Variants in USP35 observed in about 807,000 individuals in gnomAD.
The protein encoded by USP35 is ubiquitin carboxyl-terminal hydrolase 35.
A neutral mutation model predicts 83.8 loss-of-function variants in USP35; 69 were observed. That is an observed-to-expected ratio of 0.82 (90% CI 0.68 to 1.01). USP35 has a LOEUF of 1.01. Among genes scored for constraint, USP35 ranks in the 50% least tolerant of loss-of-function variants. USP35 has a pLI of 0.00. For synonymous variants in USP35, 714 were observed against 589.5 expected (o/e 1.21, Z -3.06); for missense variants, 1,503 against 1,362.5 (o/e 1.10, Z -1.62).
chr11:78,193,779 C>T (rs1295993141), intron 1 of USP35, among the ~76,000 whole-genome samples: 1 of 152,202 alleles, frequency 6.6e-6, no homozygotes, highest in Non-Finnish European at 1.5e-5. Flanking sequence ...CAGAATCGAA[C>T]ACATCATTTC....
chr11:78,196,831 A>C lies in USP35; in HGVS notation c.586A>C (p.Ser196Arg). The change falls in exon 2 of 11, where the codon AGC becomes CGC. Residue 196 changes from serine to arginine, a missense_variant. Transcript: ENST00000529308. This position sits in a 1 kb window ranked among gnomAD's most constrained non-coding sequence, Gnocchi z 4.8. ...GTTCCTAGAGCAGGCCCAGCAGGTG[A>C]GCGGGCTCCTGGCGCAGCTGTGGCG... ...VEFLEQAQQV[S>R]GLLAQLWRAQ... The C allele has an allele frequency of 6.5e-7, 1 of 1,530,830 alleles. No homozygotes were observed. The highest frequency in any genetic ancestry group is 8.7e-7 in the Non-Finnish European group (1 of 1,143,626). The allele number at this position is 1,530,830 out of a possible 1,614,324, so 94.8% of individuals were successfully genotyped here.
At chr11:78,197,905 C>T (rs746593548) in intron 2 of USP35, 31 bp from the exon 3 acceptor site, 10 of 1,609,154 alleles carry the variant, frequency 6.2e-6, no homozygotes, top group Non-Finnish European at 8.5e-6. Context: ...GCCTGCCTCC[C>T]TGCTAAGCTC....
chr11:78,220,291 A>AC, the USP35 span: 10 of 1,610,874 alleles, frequency 6.2e-6, no homozygotes, highest in Admixed American at 1.7e-5. Flanking sequence ...GAGAGCTCTT[A>AC]CTGCCCCCCC....
intron 2 of USP35, among the ~76,000 whole-genome samples, chr11:78,197,198 C>G (rs374958727): frequency 2.9e-5 from 3 of 104,042 alleles, no homozygotes; most frequent in African/African-American, 1.2e-4. Flanking sequence ...GAGGGAGGAA[C>G]GGGAAGTTGA....
rs554201657 is a variant in USP35, at chr11:78,199,794, C to G, written c.936+70C>G. On this transcript the variant is annotated intron_variant, in intron 4 of 10. Transcript: ENST00000529308. ...GGCTCTTGCCAGGGGCGGTGCAGGT[C>G]TGGGAGGTCAGAGCATTGGGCCTAC... 7.4e-5 allele frequency: 119 copies of G among 1,607,958 alleles called. No homozygotes were observed. In the South Asian group the frequency reaches 1.3e-3, roughly 18 times the overall value.
rs1378590089 is a variant in USP35 at position 78,214,220 on chromosome 11, C to CAAGCCTTGCACAAAG, written c.*408_*422dup. ...GTACGGTATAAAGCACAGCAGGATC[C>CAAGCCTTGCACAAAG]AAGCCTTGCACAAAGGGGTGGGGGG... On this transcript the variant is annotated 3_prime_UTR_variant, in exon 11 of 11. Coordinates refer to ENST00000529308, the MANE Select transcript of USP35 (RefSeq NM_020798.4). 1 of 142,314 alleles carries CAAGCCTTGCACAAAG rather than the reference C, an allele frequency of 7.0e-6. No individual in the cohort carries two copies. Among genetic ancestry groups the CAAGCCTTGCACAAAG allele is most frequent in the Non-Finnish European group, 1.5e-5 (1 of 68,674 alleles). The allele number at this position is 142,314 out of a possible 1,614,324, so 8.8% of individuals were successfully genotyped here. A position where few individuals can be genotyped will look rare whatever the true frequency, so the allele number is the denominator to read the frequency against.
rs1864012305 is a variant in USP35 at position 78,214,585 on chromosome 11, C to CTGCAACAGCAGCCACCTGCAGGTTGG, written c.*773_*798dup. On this transcript the variant is annotated 3_prime_UTR_variant, in exon 11 of 11. Coordinates refer to ENST00000529308, the MANE Select transcript of USP35 (RefSeq NM_020798.4). ...TCCTCTGAGCAGTTGGCCTTTGTAGCTGCAACAGCAGCCACCTGCAGGTTG... is the reference window on the plus strand; with the variant it reads ...TCCTCTGAGCAGTTGGCCTTTGTAGCTGCAACAGCAGCCACCTGCAGGTTGGTGCAACAGCAGCCACCTGCAGGTTG... 1 of 152,300 alleles carries CTGCAACAGCAGCCACCTGCAGGTTGG rather than the reference C, an allele frequency of 6.6e-6. No homozygotes were observed. The highest frequency in any genetic ancestry group is 2.1e-4 in the South Asian group (1 of 4,838). The allele number at this position is 152,300 out of a possible 1,614,324, so 9.4% of individuals were successfully genotyped here. A position where few individuals can be genotyped will look rare whatever the true frequency, so the allele number is the denominator to read the frequency against.
rs752940646 is a variant in USP35 at position 78,213,809 on chromosome 11, T to A, written c.3053T>A (p.Phe1018Tyr). The A allele has an allele frequency of 6.4e-7, 1 of 1,554,436 alleles. No individual in the cohort carries two copies. Among genetic ancestry groups the A allele is most frequent in the Non-Finnish European group, 8.6e-7 (1 of 1,158,214 alleles). ...GGTGGTGACTTCCACAGACTGGTCT[T>A]CTAATGTGAACCTGCTGCCAACCTG... ...GNGGDFHRLV[F>Y] Residue 1018 changes from phenylalanine (F) to tyrosine (Y), a missense_variant, in exon 11 of 11, where the codon TTC (phenylalanine) becomes TAC (tyrosine). By Grantham distance (22) the Phe-to-Tyr change is conservative (BLOSUM62 3). Transcript: ENST00000529308.
chr11:78,206,176 TG>T lies in USP35; in HGVS notation c.1391+145del, dbSNP rs1863525645. ...TGCCAGCATGATTCCCTGAGGTCTG[TG>T]GGGACAGAGAGCCTCAGGCCATTGC... On this transcript the variant is annotated intron_variant, in intron 7 of 10. Transcript: ENST00000529308. 2.6e-5 allele frequency: 30 copies of T among 1,156,208 alleles called. 2 individuals are homozygous for T. The South Asian group carries it at 4.5e-4, about 17-fold the overall frequency. 71.6% of individuals were successfully genotyped at this position (1,156,208 alleles called of 1,614,324 possible). A position where few individuals can be genotyped will look rare whatever the true frequency, so the allele number is the denominator to read the frequency against.
At position 78,209,663 on chromosome 11, in the gene USP35, C is replaced by A; in HGVS notation, c.1808C>A (p.Pro603His). Residue 603 changes from proline (P) to histidine (H), a missense_variant, in exon 10 of 11, where the codon CCT becomes CAT. Pro to His is a moderately conservative substitution (Grantham distance 77). Coordinates refer to ENST00000529308, the MANE Select transcript of USP35 (RefSeq NM_020798.4). ...FTDLSLAFPP[P>H]ERCRRRRLGS... ...GACCTCTCTCTCGCCTTCCCTCCTC[C>A]TGAGCGCTGTCGCCGCCGCCGCCTG... 6.2e-7 allele frequency: 1 copy of A among 1,614,102 alleles called. No individual in the cohort carries two copies.
At chr11:78,237,029 T>A in the USP35 span, among the ~76,000 whole-genome samples, 3 of 152,206 alleles carry the variant, frequency 2.0e-5, no homozygotes, top group African/African-American at 4.8e-5. Context: ...CTTTGCCAGA[T>A]TTTGATAGTA....
the USP35 span, among the ~76,000 whole-genome samples, chr11:78,226,142 A>G: frequency 6.6e-6 from 1 of 152,264 alleles, no homozygotes; most frequent in African/African-American, 2.4e-5. Flanking sequence ...GATTTGATTT[A>G]CAAATGAATA....
chr11:78,192,487 T>C (rs1334126082), intron 1 of USP35, among the ~76,000 whole-genome samples: 1 of 152,236 alleles, frequency 6.6e-6, no homozygotes, highest in Non-Finnish European at 1.5e-5. Flanking sequence ...GGTGCAAGCC[T>C]CTAAAACCCT....
At chr11:78,215,515 A>AAATT (rs1178677573), downstream of USP35, 7 of 152,666 alleles carry the variant, frequency 4.6e-5, no homozygotes, top group Non-Finnish European at 8.8e-5. Context: ...AGTGATTTGA[A>AAATT]AATTAAATGT....
chr11:78,231,569 C>T, the USP35 span, among the ~76,000 whole-genome samples: 3 of 152,130 alleles, frequency 2.0e-5, no homozygotes, highest in African/African-American at 7.2e-5. Flanking sequence ...ATGCTGGTCT[C>T]GAACTCCTGA....
At chr11:78,219,214 A>T (rs2134448413), downstream of USP35, 1 of 1,522,240 alleles carries the variant, frequency 6.6e-7, no homozygotes, top group Non-Finnish European at 9.0e-7. Context: ...GGGAGAGGGG[A>T]GATGGGAAGG....
chr11:78,214,890 TTACC>T lies in USP35; in HGVS notation c.*1079_*1082del, dbSNP rs553197135. Among the ~76,000 whole-genome samples, 201 of 146,992 alleles carry T rather than the reference TTACC, an allele frequency of 1.4e-3. No individual in the cohort carries two copies. Among genetic ancestry groups the T allele is most frequent in the African/African-American group, 5.0e-3 (190 of 38,364 alleles). On this transcript the variant is annotated 3_prime_UTR_variant, in exon 11 of 11. Transcript: ENST00000529308. ...TAAACGTGTGGACTGACTGACTTAC[TTACC>T]TTACTGAGGGCTGGGTGATGCTGCC...
chr11:78,217,541 T>C (rs1864209537), downstream of USP35: 1 of 152,070 alleles, frequency 6.6e-6, no homozygotes, highest in South Asian at 2.1e-4. Context: ...CAGGAAGTCA[T>C]TGTTTGGGAG....
At chr11:78,236,299 T>C in the USP35 span, among the ~76,000 whole-genome samples, 1 of 152,358 alleles carries the variant, frequency 6.6e-6, no homozygotes, top group Admixed American at 6.5e-5. Flanking sequence ...CTTGTGACCT[T>C]GCTAAACTCA....
Sources: gnomAD v4.1 joint callset for allele counts (sites outside exome capture counted in the v4.1 genomes callset) on GRCh38, gnomAD v4.1.1 for gene constraint, Gnocchi (gnomAD v3.1) non-coding constraint, MANE v1.5 for transcripts, NCBI Gene and HGNC (gene_info 2026-07-23, HGNC 2026-07-21) for gene names.